PTPRK: variants seen among roughly 807,000 people sequenced by gnomAD.
The protein encoded by PTPRK is protein tyrosine phosphatase receptor type K.
PTPRK carries 75 observed loss-of-function variants against 178.0 expected under a neutral mutation model. The observed-to-expected ratio is 0.42, with a 90% CI of 0.35 to 0.51. The LOEUF (loss-of-function observed/expected upper bound fraction) is 0.51, where lower values mean the gene tolerates loss of function less well. PTPRK is among the 20% of genes least tolerant of loss of function. The probability of loss-of-function intolerance (pLI) is 0.02; values close to 1 mark genes in which losing one functional copy is unlikely to be tolerated. For synonymous variants in PTPRK, 637 were observed against 620.6 expected (o/e 1.03, Z -0.39); for missense variants, 1,441 against 1,797.8 (o/e 0.80, Z 3.59).
chr6:128,493,645 C>CACACAG (rs1854232794), intron 1 of PTPRK, among the ~76,000 whole-genome samples: 1 of 126,440 alleles, frequency 7.9e-6, no homozygotes, highest in African/African-American at 2.8e-5. Flanking sequence ...CACACACACA[C>CACACAG]AGAAACAACT....
At chr6:128,030,616 T>C (rs1310327927) in intron 13 of PTPRK, among the ~76,000 whole-genome samples, 1 of 152,210 alleles carries the variant, frequency 6.6e-6, no homozygotes, top group Non-Finnish European at 1.5e-5. Flanking sequence ...AGCCTTTATA[T>C]GCGTGACTCT....
chr6:128,308,929 G>A (rs1330673293), intron 3 of PTPRK, among the ~76,000 whole-genome samples: 1 of 152,094 alleles, frequency 6.6e-6, no homozygotes, highest in Non-Finnish European at 1.5e-5. Flanking sequence ...AGTAGGCCTG[G>A]AGAAAAGAAT....
chr6:128,388,051 T>G (rs1438445932), intron 2 of PTPRK, among the ~76,000 whole-genome samples: 2 of 152,140 alleles, frequency 1.3e-5, no homozygotes, highest in African/African-American at 4.8e-5. Context: ...GGCCCACAGG[T>G]TAGACAAGCT....
At chr6:128,458,934 A>T (rs1848706003) in intron 1 of PTPRK, among the ~76,000 whole-genome samples, 2 of 152,182 alleles carry the variant, frequency 1.3e-5, no homozygotes, top group Non-Finnish European at 2.9e-5. Flanking sequence ...TATTCCTTCT[A>T]TTATTAAAGC....
In PTPRK at chr6:128,132,268, G is replaced by A. The variant is rs552112636; in HGVS notation, c.1163-42276C>T. Among the ~76,000 whole-genome samples, 110 of 152,266 alleles carry A rather than the reference G, an allele frequency of 7.2e-4. No individual in the cohort carries two copies. The South Asian group carries it at 0.016, about 22-fold the overall frequency. On this transcript the variant is annotated intron_variant, in intron 7 of 29. Coordinates refer to ENST00000368226, the MANE Select transcript of PTPRK (RefSeq NM_002844.4). Reference sequence around the variant, plus strand: ...TGGCTCACTGCAAACTCCGCCTGCCGGGTTCATGCCATTCTCCTGCCTCAG... The same window carrying A: ...TGGCTCACTGCAAACTCCGCCTGCCAGGTTCATGCCATTCTCCTGCCTCAG...
chr6:128,352,253 CAAAAAAAA>C (rs10665459), intron 2 of PTPRK, among the ~76,000 whole-genome samples: 5 of 94,986 alleles, frequency 5.3e-5, no homozygotes, highest in South Asian at 4.3e-4. Context: ...GACTTCATCT[CAAAAAAAA>C]AAAAAAAAAA....
intron 3 of PTPRK, among the ~76,000 whole-genome samples, chr6:128,243,433 T>C (rs9375558): frequency 0.11 from 14,358 of 130,470 alleles, 1,639 homozygotes; most frequent in East Asian, 0.36. Context: ...GCAGGAGGAG[T>C]ACTTGAGCCC....
chr6:128,275,957 G>T (rs943294879), intron 3 of PTPRK, among the ~76,000 whole-genome samples: 4 of 151,818 alleles, frequency 2.6e-5, no homozygotes, highest in Admixed American at 2.6e-4. Flanking sequence ...CCTTTTAAAT[G>T]GGGGTAATAT....
intron 13 of PTPRK, among the ~76,000 whole-genome samples, chr6:128,019,456 G>T (rs1352617302): frequency 6.6e-6 from 1 of 151,946 alleles, no homozygotes; most frequent in Middle Eastern, 3.4e-3. Context: ...ACATTCTTTT[G>T]GGGACAAATA....
chr6:128,520,578 G>C lies in PTPRK; in HGVS notation c.-220C>G, dbSNP rs1427063832. 2 of 548,802 alleles carry C rather than the reference G, an allele frequency of 3.6e-6. No individual in the cohort carries two copies. The highest frequency in any genetic ancestry group is 6.6e-6 in the Non-Finnish European group (2 of 304,270). 34.0% of individuals were successfully genotyped at this position (548,802 alleles called of 1,614,324 possible). ...GCCGCGGCGGCAGCTCTCCATGCTCGGCGGAGGCTGCTCCTGTTAGTCAAG... is the reference window on the plus strand; with the variant it reads ...GCCGCGGCGGCAGCTCTCCATGCTCCGCGGAGGCTGCTCCTGTTAGTCAAG... On this transcript the variant is annotated 5_prime_UTR_variant, in exon 1 of 30. Transcript: ENST00000368226.
At chr6:128,090,065 G>A in intron 7 of PTPRK, 73 bp from the exon 8 acceptor site, 2 of 1,178,330 alleles carry the variant, frequency 1.7e-6, no homozygotes, top group East Asian at 2.4e-5. Context: ...AAAACACCAA[G>A]TATAATATAG....
At chr6:128,516,599 A>G (rs2128446221) in intron 1 of PTPRK, among the ~76,000 whole-genome samples, 1 of 152,344 alleles carries the variant, frequency 6.6e-6, no homozygotes, top group South Asian at 2.1e-4. Flanking sequence ...CTAAAGAGAC[A>G]ACAAGGAGTC....
intron 1 of PTPRK, among the ~76,000 whole-genome samples, chr6:128,470,040 T>G (rs1342161212): frequency 6.6e-6 from 1 of 152,182 alleles, no homozygotes; most frequent in African/African-American, 2.4e-5. Context: ...GCCGCTAACT[T>G]TGTTGCAATT....
chr6:128,490,730 A>G (rs376789790), intron 1 of PTPRK, among the ~76,000 whole-genome samples: 14 of 152,334 alleles, frequency 9.2e-5, no homozygotes, highest in East Asian at 5.8e-4. Context: ...GCAAAATACC[A>G]CAGACTTGAA....
Position 128,519,469 on chromosome 6 carries a change from G to C in PTPRK, c.100+790C>G. ...CCCCAGGCCGGATCCGGGGAGCGCG[G>C]GGCCAGAGCCCCAGGCCGGATCCGG... On this transcript the variant is annotated intron_variant, in intron 1 of 29. Transcript: ENST00000368226. The surrounding 1 kb of genome is among the most constrained non-coding windows in gnomAD (Gnocchi z 4.3). 6.6e-6 allele frequency among the ~76,000 whole-genome samples: 1 copy of C among 152,060 alleles called. No individual in the cohort carries two copies. The highest frequency in any genetic ancestry group is 2.0e-4 in the East Asian group (1 of 5,128).
chr6:128,089,909 T>C lies in PTPRK; in HGVS notation c.1246A>G (p.Asn416Asp). The C allele has an allele frequency of 6.2e-7, 1 of 1,612,666 alleles. No individual in the cohort carries two copies. Among genetic ancestry groups the C allele is most frequent in the Non-Finnish European group, 8.5e-7 (1 of 1,178,636 alleles). The change falls in exon 8 of 30, where the codon AAC becomes GAC. Residue 416 changes from asparagine to aspartate, a missense_variant. Coordinates refer to ENST00000368226, the MANE Select transcript of PTPRK (RefSeq NM_002844.4). ...TTAAAAGTGTGGCAACGCGTAATGT[T>C]GTAACCCAAGGATTCCCAGTCCACA... ...IAVDWESLGY[N>D]ITRCHTFNVT... is the part of the protein sequence containing the mutation.
Position 127,984,207 on chromosome 6 carries a change from C to T in PTPRK, c.3252-830G>A, listed in dbSNP as rs184194028. Among the ~76,000 whole-genome samples the T allele has an allele frequency of 6.1e-4, 93 of 152,112 alleles. 2 individuals carry two copies. Among genetic ancestry groups the T allele is most frequent in the Non-Finnish European group, 7.4e-5 (5 of 67,996 alleles). On this transcript the variant is annotated intron_variant, in intron 22 of 29. Coordinates refer to ENST00000368226, the MANE Select transcript of PTPRK (RefSeq NM_002844.4). ...ATCAGAAAAGGGTGATTGGCATATG[C>T]GTCCTCTCAAACATGTATCATTTAT...
intron 13 of PTPRK, among the ~76,000 whole-genome samples, chr6:128,016,460 G>C (rs1428945501): frequency 6.6e-6 from 1 of 151,852 alleles, no homozygotes; most frequent in African/African-American, 2.4e-5. Context: ...TCATATGAGG[G>C]TCTTATGATC....
chr6:128,362,571 C>G (rs1834926094), intron 2 of PTPRK, among the ~76,000 whole-genome samples: 1 of 152,144 alleles, frequency 6.6e-6, no homozygotes, highest in Admixed American at 6.6e-5. Flanking sequence ...ATAAATGTAA[C>G]CTTTGATTCC....
Sources: gnomAD v4.1 joint callset for allele counts (sites outside exome capture counted in the v4.1 genomes callset) on GRCh38, gnomAD v4.1.1 for gene constraint, Gnocchi (gnomAD v3.1) non-coding constraint, MANE v1.5 for transcripts, NCBI Gene and HGNC (gene_info 2026-07-23, HGNC 2026-07-21) for gene names.